The following CDC42BPA variants were observed in gnomAD, a reference collection of about 807,000 sequenced individuals.
CDC42BPA encodes CDC42 binding protein kinase alpha, also known as serine/threonine-protein kinase MRCK alpha.
A neutral mutation model predicts 223.5 loss-of-function variants in CDC42BPA; 80 were observed. The observed-to-expected ratio is 0.36, with a 90% confidence interval of 0.30 to 0.43. The LOEUF (loss-of-function observed/expected upper bound fraction) is 0.43, where lower values mean the gene tolerates loss of function less well. Among genes scored for constraint, CDC42BPA ranks in the 20% least tolerant of loss-of-function variants. The pLI is 1.00. For missense variants in CDC42BPA, 1,743 were observed against 2,099.9 expected (o/e 0.83, Z 3.32); for synonymous variants, 694 against 718.6 (o/e 0.97, Z 0.55).
At chr1:227,152,142 CAT>C (rs936351879) in intron 6 of CDC42BPA, among the ~76,000 whole-genome samples, 62 of 152,268 alleles carry the variant, frequency 4.1e-4, no homozygotes, top group African/African-American at 1.4e-3. Flanking sequence ...TGTTATTAGA[CAT>C]ATGATTTGCA....
chr1:227,121,996 T>C (rs1688754514), intron 11 of CDC42BPA, among the ~76,000 whole-genome samples: 1 of 152,102 alleles, frequency 6.6e-6, no homozygotes, highest in Admixed American at 6.5e-5. Flanking sequence ...AGATGGGGTT[T>C]CACCATGTTG....
At chr1:227,277,140 C>A (rs1687242252) in intron 1 of CDC42BPA, among the ~76,000 whole-genome samples, 2 of 139,580 alleles carry the variant, frequency 1.4e-5, no homozygotes, top group African/African-American at 2.6e-5. Context: ...AGAGAGTAAA[C>A]AGAAAAACAA....
At chr1:227,270,634 C>T (rs547234320) in intron 1 of CDC42BPA, among the ~76,000 whole-genome samples, 1 of 152,242 alleles carries the variant, frequency 6.6e-6, no homozygotes, top group South Asian at 2.1e-4. Context: ...ACATCAGTAG[C>T]TTTAGTTACA....
intron 2 of CDC42BPA, among the ~76,000 whole-genome samples, chr1:227,253,027 C>T (rs185140104): frequency 1.4e-4 from 22 of 152,214 alleles, no homozygotes; most frequent in Admixed American, 1.2e-3. Flanking sequence ...ATGAACACTA[C>T]AAAACGGTAT....
intron 35 of CDC42BPA, among the ~76,000 whole-genome samples, chr1:226,996,323 C>A (rs1373147934): frequency 6.6e-6 from 1 of 152,212 alleles, no homozygotes; most frequent in Non-Finnish European, 1.5e-5. Flanking sequence ...GATTTTGTAA[C>A]CTGAGACTTT....
intron 17 of CDC42BPA, among the ~76,000 whole-genome samples, chr1:227,077,926 C>T: frequency 6.6e-6 from 1 of 152,096 alleles, no homozygotes; most frequent in South Asian, 2.1e-4. Flanking sequence ...TGCATTTGTT[C>T]ACTTTATTTC....
chr1:227,307,687 T>G (rs1414617088), intron 1 of CDC42BPA, among the ~76,000 whole-genome samples: 1 of 152,208 alleles, frequency 6.6e-6, no homozygotes, highest in East Asian at 1.9e-4. Flanking sequence ...TAGGAAACAC[T>G]AGTGTACATT....
Position 227,200,455 on chromosome 1 carries a change from AC to A in CDC42BPA, c.355-804del, listed in dbSNP as rs1166263138. Among the ~76,000 whole-genome samples, 20 of 149,582 alleles carry A rather than the reference AC, an allele frequency of 1.3e-4. 1 individual carries two copies. The highest frequency in any genetic ancestry group is 1.2e-3 in the East Asian group (6 of 5,162). On this transcript the variant is annotated intron_variant, in intron 3 of 36. Coordinates refer to ENST00000366766, the MANE Select transcript of CDC42BPA (RefSeq NM_001394014.1). Reference sequence around the variant, plus strand: ...TAAAAAACAAACAAACAAAAAAAAAACGAAAGAAAGAAAGAAAACAAAAACA... The same window carrying A: ...TAAAAAACAAACAAACAAAAAAAAAAGAAAGAAAGAAAGAAAACAAAAACA...
At chr1:227,283,636 G>A (rs550435697) in intron 1 of CDC42BPA, among the ~76,000 whole-genome samples, 1 of 152,194 alleles carries the variant, frequency 6.6e-6, no homozygotes, top group Non-Finnish European at 1.5e-5. Flanking sequence ...GAGGACAGAA[G>A]TACGGAGGGT....
intron 23 of CDC42BPA, 108 bp downstream of exon 23, chr1:227,047,819 C>T: frequency 3.3e-6 from 2 of 613,510 alleles, no homozygotes; most frequent in South Asian, 2.4e-5. Context: ...ATAAGTTTTT[C>T]TGTTTGTAAA....
chr1:227,047,120 C>G (rs569427198), intron 23 of CDC42BPA, among the ~76,000 whole-genome samples: 1 of 152,020 alleles, frequency 6.6e-6, no homozygotes, highest in Non-Finnish European at 1.5e-5. Context: ...CTGTGATATC[C>G]ATTTTACCCC....
intron 5 of CDC42BPA, among the ~76,000 whole-genome samples, chr1:227,162,452 T>C (rs1403216932): frequency 2.0e-5 from 3 of 152,212 alleles, no homozygotes; most frequent in East Asian, 1.9e-4. Flanking sequence ...ATCATAAAAC[T>C]ATGTACTTTT....
intron 1 of CDC42BPA, among the ~76,000 whole-genome samples, chr1:227,295,476 TA>T (rs201248738): frequency 2.6e-5 from 4 of 152,070 alleles, no homozygotes; most frequent in African/African-American, 4.8e-5. Context: ...AAAAAAAATT[TA>T]AATTAAGTAT....
At chr1:227,001,508 T>TGG (rs1662841235) in intron 35 of CDC42BPA, among the ~76,000 whole-genome samples, 1 of 152,220 alleles carries the variant, frequency 6.6e-6, no homozygotes, top group Admixed American at 6.5e-5. Context: ...CTTTAAATCT[T>TGG]TGCAGTTTAG....
intron 1 of CDC42BPA, among the ~76,000 whole-genome samples, chr1:227,270,737 C>T (rs539853785): frequency 2.6e-5 from 4 of 152,228 alleles, no homozygotes; most frequent in African/African-American, 9.6e-5. Context: ...ATTCCCCATC[C>T]CCTCCCCGAC....
chr1:227,188,925 G>A (rs1220645751), intron 5 of CDC42BPA, among the ~76,000 whole-genome samples: 2 of 152,106 alleles, frequency 1.3e-5, no homozygotes, highest in African/African-American at 2.4e-5. Context: ...TTGATAGTGG[G>A]GGAGGCTGTG....
At position 227,304,713 on chromosome 1, in the gene CDC42BPA, T is replaced by C. The variant is rs550179514; in HGVS notation, c.178+12292A>G. Reference sequence around the variant, plus strand: ...AACAATTTAACCAATATGTGAAAAGTCATGAATAATCAAAGTTATGGTTTA... The same window carrying C: ...AACAATTTAACCAATATGTGAAAAGCCATGAATAATCAAAGTTATGGTTTA... On this transcript the variant is annotated intron_variant, in intron 1 of 36. Coordinates refer to ENST00000366766, the MANE Select transcript of CDC42BPA (RefSeq NM_001394014.1). Among the ~76,000 whole-genome samples, 17 of 152,262 alleles carry C rather than the reference T, an allele frequency of 1.1e-4. No homozygotes were observed. In the South Asian group the frequency reaches 3.5e-3, roughly 32 times the overall value.
At chr1:227,122,092 C>T (rs763572454) in intron 11 of CDC42BPA, among the ~76,000 whole-genome samples, 1 of 152,108 alleles carries the variant, frequency 6.6e-6, no homozygotes, top group Non-Finnish European at 1.5e-5. Flanking sequence ...TGAGCCACTG[C>T]CCCTTGCCCG....
chr1:227,179,942 T>C (rs1024641436), intron 5 of CDC42BPA, among the ~76,000 whole-genome samples: 1 of 152,204 alleles, frequency 6.6e-6, no homozygotes, highest in Non-Finnish European at 1.5e-5. Flanking sequence ...ATGCGGAGGT[T>C]CACGCCTGTA....
Sources: allele counts gnomAD v4.1 joint callset (sites outside exome capture counted in the v4.1 genomes callset), GRCh38; gene constraint gnomAD v4.1.1; transcripts MANE v1.5; gene names NCBI Gene and HGNC (gene_info 2026-07-23, HGNC 2026-07-21).